The following ARHGAP15 variants were observed in gnomAD, a reference collection of about 807,000 sequenced individuals.
The protein encoded by ARHGAP15 is rho GTPase-activating protein 15.
In ARHGAP15, 51 loss-of-function variants were observed where a neutral mutation model predicts 63.7. The observed-to-expected ratio is 0.80, with a 90% CI of 0.64 to 1.01. The LOEUF (loss-of-function observed/expected upper bound fraction) is 1.01, where lower values mean the gene tolerates loss of function less well. Ranked by LOEUF, ARHGAP15 falls within the 50% of genes least tolerant of loss-of-function variation. ARHGAP15 has a pLI of 0.00. For synonymous variants in ARHGAP15, 191 were observed against 193.8 expected (o/e 0.99, Z 0.12); for missense variants, 560 against 564.6 (o/e 0.99, Z 0.08).
At chr2:143,360,971 G>A (rs960418633) in intron 6 of ARHGAP15, among the ~76,000 whole-genome samples, 1 of 152,122 alleles carries the variant, frequency 6.6e-6, no homozygotes, top group Non-Finnish European at 1.5e-5. Flanking sequence ...AATGGGAAAT[G>A]TCTCTATGTA....
intron 8 of ARHGAP15, among the ~76,000 whole-genome samples, chr2:143,456,607 C>T (rs1690665967): frequency 1.9e-5 from 1 of 52,686 alleles, no homozygotes; most frequent in Non-Finnish European, 3.8e-5. Flanking sequence ...CATGTATTTT[C>T]TCATCTTCAA....
chr2:143,677,470 C>G (rs908065204), intron 12 of ARHGAP15, among the ~76,000 whole-genome samples: 1 of 152,160 alleles, frequency 6.6e-6, no homozygotes, highest in Non-Finnish European at 1.5e-5. Context: ...TACCATTTTT[C>G]TGTGCCTTGC....
chr2:143,534,260 C>G (rs1033995324), intron 10 of ARHGAP15, among the ~76,000 whole-genome samples: 1 of 152,134 alleles, frequency 6.6e-6, no homozygotes, highest in Non-Finnish European at 1.5e-5. Context: ...GCCTTGCTTC[C>G]CCTTCGCCTT....
intron 9 of ARHGAP15, among the ~76,000 whole-genome samples, chr2:143,518,399 C>A (rs1693913837): frequency 6.6e-6 from 1 of 152,276 alleles, no homozygotes; most frequent in Non-Finnish European, 1.5e-5. Context: ...AGTGGGTATT[C>A]TCGGAAACAT....
chr2:143,379,487 ATG>A (rs58976215), intron 6 of ARHGAP15, among the ~76,000 whole-genome samples: 35,094 of 129,676 alleles, frequency 0.27, 3,990 homozygotes, highest in East Asian at 0.33. Flanking sequence ...AGGCATATAT[ATG>A]TGTGTGTGTG....
intron 8 of ARHGAP15, among the ~76,000 whole-genome samples, chr2:143,480,999 A>ATG (rs1359524955): frequency 6.6e-6 from 1 of 152,190 alleles, no homozygotes; most frequent in Admixed American, 6.5e-5. Context: ...GTGTTGGAAA[A>ATG]TGTGAGTGGA....
At position 143,135,369 on chromosome 2, in the gene ARHGAP15, A is replaced by G. The variant is rs545820602; in HGVS notation, c.-15+5903A>G. Among the ~76,000 whole-genome samples, 19 of 152,296 alleles carry G rather than the reference A, an allele frequency of 1.2e-4. No individual in the cohort carries two copies. In the South Asian group the frequency reaches 2.9e-3, roughly 23 times the overall value. ...ACTTATTTTTTATCTTTTGCTGGTTATTAGTCCAATTCCATTCAACTCCAT... is the reference window on the plus strand; with the variant it reads ...ACTTATTTTTTATCTTTTGCTGGTTGTTAGTCCAATTCCATTCAACTCCAT... On this transcript the variant is annotated intron_variant, in intron 1 of 13. Coordinates refer to ENST00000295095, the MANE Select transcript of ARHGAP15 (RefSeq NM_018460.4).
At chr2:143,587,344 G>T (rs1697144091) in intron 11 of ARHGAP15, among the ~76,000 whole-genome samples, 1 of 151,982 alleles carries the variant, frequency 6.6e-6, no homozygotes, top group African/African-American at 2.4e-5. Flanking sequence ...TGATGCTATG[G>T]CTATTTTTGT....
chr2:143,617,071 T>C lies in ARHGAP15; in HGVS notation c.1004-7062T>C, dbSNP rs772762217. On this transcript the variant is annotated intron_variant, in intron 11 of 13. Coordinates refer to ENST00000295095, the MANE Select transcript of ARHGAP15 (RefSeq NM_018460.4). ...AGACCACACTGGAGAGTATTCTGCA[T>C]GTTTGTAGAGAAAATCATTTGAAAT... 4.3e-4 allele frequency among the ~76,000 whole-genome samples: 66 copies of C among 152,228 alleles called. 1 individual carries two copies. Among genetic ancestry groups the C allele is most frequent in the Admixed American group, 3.3e-4 (5 of 15,278 alleles).
At position 143,579,489 on chromosome 2, in the gene ARHGAP15, T is replaced by A. The variant is rs990231677; in HGVS notation, c.1003+23004T>A. On this transcript the variant is annotated intron_variant, in intron 11 of 13. Transcript: ENST00000295095. ...CAGAGTTTCTAGGATAGTTGTAGGA[T>A]GCCTAGGATAAATGATGCTCTTTGT... is the stretch of plus-strand genomic sequence containing the variant. Among the ~76,000 whole-genome samples, 6 of 152,298 alleles carry A rather than the reference T, an allele frequency of 3.9e-5. No homozygotes were observed. In the South Asian group the frequency reaches 1.2e-3, roughly 32 times the overall value.
chr2:143,735,491 A>G (rs1387316267), intron 13 of ARHGAP15, among the ~76,000 whole-genome samples: 1 of 152,226 alleles, frequency 6.6e-6, no homozygotes, highest in African/African-American at 2.4e-5. Context: ...CCAGAATTGT[A>G]TCGTATCAGC....
chr2:143,363,277 A>G (rs1394429929), intron 6 of ARHGAP15, among the ~76,000 whole-genome samples: 1 of 152,180 alleles, frequency 6.6e-6, no homozygotes, highest in Non-Finnish European at 1.5e-5. Context: ...GGGGTGGCTT[A>G]TGCCTCTAAT....
At chr2:143,346,212 ACTCTCTCTCACACACACT>A (rs1558909598) in intron 6 of ARHGAP15, among the ~76,000 whole-genome samples, 1 of 135,158 alleles carries the variant, frequency 7.4e-6, no homozygotes, top group Admixed American at 7.4e-5. Context: ...TCACACACAC[ACTCTCTCTCACACACACT>A]CTCTCTCACA....
At chr2:143,701,021 CT>C (rs748257703) in intron 12 of ARHGAP15, among the ~76,000 whole-genome samples, 3 of 151,216 alleles carry the variant, frequency 2.0e-5, no homozygotes, top group Non-Finnish European at 4.4e-5. Context: ...CCCTTTGTTT[CT>C]TTTTTTTGCA....
rs1330197062 is a variant in ARHGAP15, at chr2:143,471,075, C to T, written c.704-16298C>T. Among the ~76,000 whole-genome samples, 3 of 148,690 alleles carry T rather than the reference C, an allele frequency of 2.0e-5. No individual in the cohort carries two copies. In the East Asian group the frequency reaches 6.0e-4, roughly 30 times the overall value. ...TGTGCATATATACACATATGATACA[C>T]ATGTATAAATGTATATGATACACAT... On this transcript the variant is annotated intron_variant, in intron 8 of 13. Transcript: ENST00000295095.
At chr2:143,654,932 A>C (rs560293563) in intron 12 of ARHGAP15, among the ~76,000 whole-genome samples, 13 of 152,330 alleles carry the variant, frequency 8.5e-5, no homozygotes, top group African/African-American at 3.1e-4. Context: ...ACCCGTTTCT[A>C]AAATATAAAA....
At chr2:143,760,704 C>T (rs911766063) in intron 13 of ARHGAP15, among the ~76,000 whole-genome samples, 9 of 152,136 alleles carry the variant, frequency 5.9e-5, no homozygotes, top group East Asian at 3.9e-4. Flanking sequence ...TGCCATATAA[C>T]GCTCCTTTGC....
At chr2:143,501,670 T>C (rs950288662) in intron 9 of ARHGAP15, among the ~76,000 whole-genome samples, 1 of 152,182 alleles carries the variant, frequency 6.6e-6, no homozygotes, top group African/African-American at 2.4e-5. Context: ...GTAGTACGAG[T>C]AAATAATTTT....
chr2:143,210,050 A>T (rs1256013460), intron 3 of ARHGAP15, among the ~76,000 whole-genome samples: 3 of 152,218 alleles, frequency 2.0e-5, no homozygotes, highest in African/African-American at 7.2e-5. Flanking sequence ...TATAACGCAG[A>T]AATTGAATTA....
Sources: gnomAD v4.1 joint callset for allele counts (sites outside exome capture counted in the v4.1 genomes callset) on GRCh38, gnomAD v4.1.1 for gene constraint, MANE v1.5 for transcripts, NCBI Gene and HGNC (gene_info 2026-07-23, HGNC 2026-07-21) for gene names.